NADK: variants seen among roughly 807,000 people sequenced by gnomAD.
NADK encodes poly(P)/ATP NAD kinase.
A neutral mutation model predicts 49.8 loss-of-function variants in NADK; 22 were observed. The observed-to-expected ratio is 0.44, with a 90% CI of 0.32 to 0.63. NADK has a LOEUF of 0.63. Among genes scored for constraint, NADK ranks in the 30% least tolerant of loss-of-function variants. The pLI is 0.06. For synonymous variants in NADK, 268 were observed against 253.7 expected, an observed-to-expected ratio of 1.06 and a Z score of -0.54; for missense variants, 438 against 609.4, an observed-to-expected ratio of 0.72 and a Z score of 2.96.
chr1:1,759,586 G>T, intron 3 of NADK: 2 of 991,836 alleles, frequency 2.0e-6, no homozygotes, highest in African/African-American at 1.6e-5. Flanking sequence ...GAAGACGGAA[G>T]TTCAGATGCA....
chr1:1,759,112 G>GCCTA, intron 3 of NADK: 1 of 1,550,768 alleles, frequency 6.4e-7, no homozygotes, highest in Non-Finnish European at 8.7e-7. Flanking sequence ...CAGTGGCCTG[G>GCCTA]CCTACACCCA....
At position 1,752,214 on chromosome 1, in the gene NADK, A is replaced by G. The variant is rs1277346898; in HGVS notation, c.*690T>C. 3.3e-5 allele frequency: 5 copies of G among 152,808 alleles called. No homozygotes were observed. In the East Asian group the frequency reaches 5.8e-4, roughly 18 times the overall value. 9.5% of individuals were successfully genotyped at this position (152,808 alleles called of 1,614,324 possible). The stretch of plus-strand genomic sequence containing the variant: ...AGAAAGTTTAAAAGAGTCTCTAAAA[A>G]GTATATACAGGATTTAAACTACCTT... On this transcript the variant is annotated 3_prime_UTR_variant, in exon 12 of 12. Transcript: ENST00000341426.
At chr1:1,768,766 C>A (rs1195942005) in intron 1 of NADK, among the ~76,000 whole-genome samples, 1 of 152,198 alleles carries the variant, frequency 6.6e-6, no homozygotes, top group East Asian at 1.9e-4. Context: ...CCGCCCCCTG[C>A]CCCATGCCTG....
rs1050794067 is a variant in NADK at position 1,752,088 on chromosome 1, G to C, written c.*816C>G. ...TCCCCTAATGGTCCCTGAGGACAGCGTCTTGCAGAACATAAATGTAAACAT... is the reference window on the plus strand; with the variant it reads ...TCCCCTAATGGTCCCTGAGGACAGCCTCTTGCAGAACATAAATGTAAACAT... On this transcript the variant is annotated 3_prime_UTR_variant, in exon 12 of 12. Transcript: ENST00000341426. The C allele has an allele frequency of 6.6e-6, 1 of 152,056 alleles. No individual in the cohort carries two copies. The highest frequency in any genetic ancestry group is 1.5e-5 in the Non-Finnish European group (1 of 67,942). The allele number at this position is 152,056 out of a possible 1,614,324, so 9.4% of individuals were successfully genotyped here. A position where few individuals can be genotyped will look rare whatever the true frequency, so the allele number is the denominator to read the frequency against.
chr1:1,757,074 G>T (rs4648624), intron 4 of NADK, 107 bp downstream of exon 4: 591,254 of 1,492,764 alleles, frequency 0.4, 121,412 homozygotes, highest in Middle Eastern at 0.49. Flanking sequence ...AGCAGCCGTT[G>T]CCCAGCACTT....
intron 6 of NADK, 66 bp from the exon 7 acceptor site, chr1:1,755,542 G>A: frequency 1.6e-6 from 2 of 1,218,832 alleles, no homozygotes; most frequent in South Asian, 2.4e-5. Flanking sequence ...CAGCTTTCCA[G>A]CAGCACCTCA....
Position 1,754,345 on chromosome 1 carries a change from G to A in NADK, c.882C>T (p.Ser294=). 6.2e-7 allele frequency: 1 copy of A among 1,613,950 alleles called. No individual in the cohort carries two copies. Among genetic ancestry groups the A allele is most frequent in the South Asian group, 1.1e-5 (1 of 91,090 alleles). ...GGTAGACATCCACATTGGACAGGTA[G>A]GAGGAGGGGCCTCTGTCAATCACCA... ...NEVVIDRGPS[S]YLSNVDVYLD... Residue 294 remains serine, a synonymous_variant, in exon 9 of 12, where the codon TCC becomes TCT. Coordinates refer to ENST00000341426, the MANE Select transcript of NADK (RefSeq NM_023018.5). This position sits in a 1 kb window ranked among gnomAD's most constrained non-coding sequence, Gnocchi z 4.3.
intron 3 of NADK, among the ~76,000 whole-genome samples, chr1:1,761,440 T>G (rs888518012): frequency 6.6e-6 from 1 of 152,200 alleles, no homozygotes; most frequent in Non-Finnish European, 1.5e-5. Context: ...TTATAATTCT[T>G]TACACATAAA....
chr1:1,759,753 G>A (rs899042448), intron 3 of NADK: 4 of 1,555,720 alleles, frequency 2.6e-6, no homozygotes, highest in Non-Finnish European at 3.5e-6. Context: ...CTGCGGGGCT[G>A]TCTGGCCTCG....
chr1:1,763,100 G>A (rs750349263), intron 2 of NADK, among the ~76,000 whole-genome samples: 15 of 152,256 alleles, frequency 9.9e-5, no homozygotes, highest in South Asian at 2.1e-4. Flanking sequence ...GACAACCCCA[G>A]GAGAGCCGTG....
chr1:1,762,748 ACT>A (rs1410372596), intron 2 of NADK, among the ~76,000 whole-genome samples: 5 of 147,678 alleles, frequency 3.4e-5, no homozygotes, highest in Non-Finnish European at 6.0e-5. Context: ...AAAAAGTGAA[ACT>A]CTGTCTCAAA....
chr1:1,771,075 T>TACAC lies in NADK; in HGVS notation c.-40-5633_-40-5630dup, dbSNP rs1193841983. On this transcript the variant is annotated intron_variant, in intron 1 of 11. Coordinates refer to ENST00000341426, the MANE Select transcript of NADK (RefSeq NM_023018.5). The stretch of plus-strand genomic sequence containing the variant: ...AAAAAAATATATATATATATATATA[T>TACAC]ACACACACACACACATATATTATTA... Among the ~76,000 whole-genome samples, 597 of 142,616 alleles carry TACAC rather than the reference T, an allele frequency of 4.2e-3. 1 individual carries two copies. Among genetic ancestry groups the TACAC allele is most frequent in the Non-Finnish European group, 4.4e-3 (290 of 66,328 alleles). 93.6% of individuals were successfully genotyped at this position (142,616 alleles called of 152,430 possible).
In NADK at chr1:1,754,423, G is replaced by T. The variant is rs1311251329; in HGVS notation, c.844-40C>A. The T allele has an allele frequency of 6.2e-7, 1 of 1,609,862 alleles. No individual in the cohort carries two copies. Among genetic ancestry groups the T allele is most frequent in the Non-Finnish European group, 8.5e-7 (1 of 1,176,758 alleles). ...GCATTGCACACTCAGGGCGGGGGAT[G>T]CCGCACGGCTCGCAGACACCCTCCG... On this transcript the variant is annotated intron_variant, in intron 8 of 11. Transcript: ENST00000341426. The surrounding 1 kb of genome is among the most constrained non-coding windows in gnomAD (Gnocchi z 4.3).
rs376364310 is a variant in NADK at position 1,754,174 on chromosome 1, C to A, written c.978G>T (p.Ala326=). 1.9e-6 allele frequency: 3 copies of A among 1,612,430 alleles called. No individual in the cohort carries two copies. Among genetic ancestry groups the A allele is most frequent in the Non-Finnish European group, 2.5e-6 (3 of 1,179,768 alleles). Residue 326 remains alanine (A), a synonymous_variant, in exon 10 of 12, where the codon GCG becomes GCT. Transcript: ENST00000341426. This position sits in a 1 kb window ranked among gnomAD's most constrained non-coding sequence, Gnocchi z 4.3. ...TGGAGGCCCCGGCCGCGGCCGCATA[C>A]GCCGTGCTGCCCGTCGGGGTGGACA... The part of the protein sequence containing the change: ...VIVSTPTGST[A]YAAAAGASMI...
At chr1:1,764,720 G>A (rs966152708) in intron 2 of NADK, among the ~76,000 whole-genome samples, 2 of 152,172 alleles carry the variant, frequency 1.3e-5, no homozygotes, top group Non-Finnish European at 2.9e-5. Context: ...TGGCCAACAT[G>A]GTGAAACCCC....
intron 1 of NADK, among the ~76,000 whole-genome samples, chr1:1,776,253 T>C (rs1646206938): frequency 6.6e-6 from 1 of 152,198 alleles, no homozygotes; most frequent in African/African-American, 2.4e-5. Flanking sequence ...CCCCTATTTG[T>C]TCACCGCCTC....
At chr1:1,760,451 C>T (rs970036939) in intron 3 of NADK, among the ~76,000 whole-genome samples, 1 of 152,236 alleles carries the variant, frequency 6.6e-6, no homozygotes, top group Non-Finnish European at 1.5e-5. Flanking sequence ...ACCTGAACTT[C>T]GGTGACAGCC....
intron 3 of NADK, among the ~76,000 whole-genome samples, chr1:1,757,778 T>C (rs967314992): frequency 6.6e-6 from 1 of 152,128 alleles, no homozygotes; most frequent in Admixed American, 6.5e-5. Context: ...ACACAGTTTC[T>C]GGCCCCACGG....
intron 3 of NADK, chr1:1,760,025 G>T: frequency 1.9e-6 from 2 of 1,064,368 alleles, no homozygotes; most frequent in Non-Finnish European, 2.8e-6. Flanking sequence ...GAGGGCAGTG[G>T]AGCACTCTGG....
Sources: gnomAD v4.1 joint callset for allele counts (sites outside exome capture counted in the v4.1 genomes callset) on GRCh38, gnomAD v4.1.1 for gene constraint, Gnocchi (gnomAD v3.1) non-coding constraint, MANE v1.5 for transcripts, NCBI Gene and HGNC (gene_info 2026-07-23, HGNC 2026-07-21) for gene names.